Variants in RPTOR observed in about 807,000 individuals in gnomAD.
RPTOR encodes regulatory associated protein of MTOR complex 1.
RPTOR carries 21 observed loss-of-function variants against 169.9 expected under a neutral mutation model. The ratio of observed to expected loss-of-function variants is 0.12; its 90% CI spans 0.09 to 0.18. The LOEUF (loss-of-function observed/expected upper bound fraction) is 0.18, where lower values mean the gene tolerates loss of function less well. RPTOR is among the 10% of genes least tolerant of loss of function. The pLI is 1.00. For missense variants in RPTOR, 1,133 were observed against 1,855.9 expected (o/e 0.61, Z 7.16); for synonymous variants, 732 against 753.2 (o/e 0.97, Z 0.46).
intron 4 of RPTOR, among the ~76,000 whole-genome samples, chr17:80,715,800 C>T (rs1049803371): frequency 1.3e-5 from 2 of 151,738 alleles, no homozygotes; most frequent in Non-Finnish European, 2.9e-5. Context: ...TCCCACGTAA[C>T]AGTGAAAATA....
At chr17:80,666,888 C>T (rs1031807311) in intron 3 of RPTOR, among the ~76,000 whole-genome samples, 2 of 152,128 alleles carry the variant, frequency 1.3e-5, no homozygotes, top group African/African-American at 2.4e-5. Flanking sequence ...GAATTACTGC[C>T]CGTGTCCTCT....
At chr17:80,956,173 C>T (rs35623114) in intron 28 of RPTOR, among the ~76,000 whole-genome samples, 27,138 of 151,320 alleles carry the variant, frequency 0.18, 6,231 homozygotes, top group African/African-American at 0.54. Flanking sequence ...CCCAGGCAGG[C>T]GCAGGGGCAG....
At chr17:80,932,146 C>CATATATATATATATATATATAT (rs57950527) in intron 24 of RPTOR, among the ~76,000 whole-genome samples, 52 of 145,856 alleles carry the variant, frequency 3.6e-4, no homozygotes, top group Non-Finnish European at 6.8e-4. Context: ...TCCAGGCATG[C>CATATATATATATATATATATAT]ATATATATAT....
chr17:80,604,845 C>T (rs1338502798), intron 1 of RPTOR, among the ~76,000 whole-genome samples: 1 of 152,202 alleles, frequency 6.6e-6, no homozygotes, highest in Non-Finnish European at 1.5e-5. Flanking sequence ...TACCTCCCAC[C>T]AGGCCCCTCC....
At chr17:80,713,768 A>G (rs530284541) in intron 4 of RPTOR, among the ~76,000 whole-genome samples, 2 of 152,332 alleles carry the variant, frequency 1.3e-5, no homozygotes, top group African/African-American at 2.4e-5. Flanking sequence ...GGCACACACC[A>G]TCCTGAGTGT....
intron 3 of RPTOR, among the ~76,000 whole-genome samples, chr17:80,682,476 T>A (rs563571877): frequency 1.3e-5 from 2 of 152,306 alleles, no homozygotes; most frequent in South Asian, 4.1e-4. Context: ...ACGGGTGTCC[T>A]TATGAGTGAG....
chr17:80,631,202 A>G (rs1051884130), intron 2 of RPTOR, among the ~76,000 whole-genome samples: 2 of 152,000 alleles, frequency 1.3e-5, no homozygotes, highest in African/African-American at 4.8e-5. Flanking sequence ...CCCACTCCCC[A>G]GGTACAGGAA....
Position 80,908,900 on chromosome 17 carries a change from A to G in RPTOR, c.2491A>G (p.Met831Val), listed in dbSNP as rs2068577274. 1.2e-6 allele frequency: 2 copies of G among 1,613,932 alleles called. No individual in the cohort carries two copies. Among genetic ancestry groups the G allele is most frequent in the Non-Finnish European group, 8.5e-7 (1 of 1,179,942 alleles). Reference sequence around the variant, plus strand: ...CTATCCAGAGGTCTCGGACGTGGCCATGAAAGTACTCAACAGCATCGCCTA... The same window carrying G: ...CTATCCAGAGGTCTCGGACGTGGCCGTGAAAGTACTCAACAGCATCGCCTA... ...DPYPEVSDVA[M>V]KVLNSIAYKA... Residue 831 changes from methionine (M) to valine (V), a missense_variant, in exon 21 of 34, where the codon ATG becomes GTG. By Grantham distance (21) the Met-to-Val change is conservative. Coordinates refer to ENST00000306801, the MANE Select transcript of RPTOR (RefSeq NM_020761.3).
chr17:80,683,571 A>G (rs1228744394), intron 3 of RPTOR, among the ~76,000 whole-genome samples: 1 of 152,036 alleles, frequency 6.6e-6, no homozygotes, highest in Non-Finnish European at 1.5e-5. Context: ...TATGATCGTG[A>G]TGGTTGCCAA....
intron 1 of RPTOR, 29 bp from the exon 2 acceptor site, chr17:80,625,662 T>G: frequency 1.4e-6 from 2 of 1,458,476 alleles, no homozygotes; most frequent in Non-Finnish European, 1.9e-6. Flanking sequence ...ATTGAAATAT[T>G]TATTTATTTT....
chr17:80,696,154 A>G (rs1369895193), intron 3 of RPTOR, among the ~76,000 whole-genome samples: 1 of 152,208 alleles, frequency 6.6e-6, no homozygotes, highest in African/African-American at 2.4e-5. Flanking sequence ...TCAGGGTTCC[A>G]TTTAAACAGA....
Position 80,569,873 on chromosome 17 carries a change from C to G in RPTOR, c.162+24082C>G, listed in dbSNP as rs142135787. ...AGGGTCGTGGGTGCTTCATGAGGTC[C>G]CTTAATTCTTCCTCGTTGGAGCTTG... On this transcript the variant is annotated intron_variant, in intron 1 of 33. Transcript: ENST00000306801. 8.9e-3 allele frequency among the ~76,000 whole-genome samples: 1,360 copies of G among 152,222 alleles called. 29 individuals are homozygous for G. The highest frequency in any genetic ancestry group is 0.03 in the African/African-American group (1,265 of 41,526).
At chr17:80,576,497 A>T (rs565376028) in intron 1 of RPTOR, among the ~76,000 whole-genome samples, 2 of 152,148 alleles carry the variant, frequency 1.3e-5, no homozygotes, top group African/African-American at 4.8e-5. Flanking sequence ...TATTTTTAAC[A>T]TCCCAAGTTA....
intron 5 of RPTOR, among the ~76,000 whole-genome samples, chr17:80,743,797 GCACAGCCCTGGC>G: frequency 7.6e-6 from 1 of 131,706 alleles, no homozygotes; most frequent in African/African-American, 2.9e-5. Context: ...CTGGCTACTA[GCACAGCCCTGGC>G]TACTAGCAGA....
rs564406022 is a variant in RPTOR, at chr17:80,894,171, T to C, written c.2401+306T>C. Among the ~76,000 whole-genome samples, 7 of 151,896 alleles carry C rather than the reference T, an allele frequency of 4.6e-5. No homozygotes were observed. In the South Asian group the frequency reaches 1.5e-3, roughly 32 times the overall value. ...TCTTTGTTCCATAGACGGGTGAGAG[T>C]TCTTCATGGTGCTGGACACCCTGGT... On this transcript the variant is annotated intron_variant, in intron 20 of 33. Coordinates refer to ENST00000306801, the MANE Select transcript of RPTOR (RefSeq NM_020761.3).
Position 80,661,001 on chromosome 17 carries a change from C to T in RPTOR, c.348+17191C>T, listed in dbSNP as rs117383628. Reference sequence around the variant, plus strand: ...TGGGGGTTTTCCTCTCCCTCTGCTGCGTTTCCTTCTCTTGGGCCTGCTCAT... The same window carrying T: ...TGGGGGTTTTCCTCTCCCTCTGCTGTGTTTCCTTCTCTTGGGCCTGCTCAT... On this transcript the variant is annotated intron_variant, in intron 3 of 33. Transcript: ENST00000306801. 2.9e-4 allele frequency among the ~76,000 whole-genome samples: 44 copies of T among 152,332 alleles called. 1 individual carries two copies. In the East Asian group the frequency reaches 6.8e-3, roughly 23 times the overall value.
intron 20 of RPTOR, among the ~76,000 whole-genome samples, chr17:80,900,078 C>A (rs1161832636): frequency 6.6e-6 from 1 of 152,194 alleles, no homozygotes; most frequent in Admixed American, 6.5e-5. Flanking sequence ...TCTCCCACCC[C>A]TCCCTGCAGA....
chr17:80,569,000 T>C (rs1233923612), intron 1 of RPTOR, among the ~76,000 whole-genome samples: 1 of 152,228 alleles, frequency 6.6e-6, no homozygotes, highest in Non-Finnish European at 1.5e-5. Flanking sequence ...CCGATGTATT[T>C]CAAAATTTCA....
intron 7 of RPTOR, among the ~76,000 whole-genome samples, chr17:80,796,347 C>G (rs1019308692): frequency 2.0e-5 from 3 of 152,204 alleles, no homozygotes; most frequent in Non-Finnish European, 4.4e-5. Flanking sequence ...AACCATCACA[C>G]TGGGTAATTT....
Sources: allele counts gnomAD v4.1 joint callset (sites outside exome capture counted in the v4.1 genomes callset), GRCh38; gene constraint gnomAD v4.1.1; transcripts MANE v1.5; gene names NCBI Gene and HGNC (gene_info 2026-07-23, HGNC 2026-07-21).